TECPR1: variants seen among roughly 807,000 people sequenced by gnomAD.
TECPR1 encodes tectonin beta-propeller repeat-containing protein 1.
A neutral mutation model predicts 162.4 loss-of-function variants in TECPR1; 122 were observed. The observed-to-expected ratio is 0.75, with a 90% confidence interval of 0.65 to 0.87. TECPR1 has a LOEUF of 0.87. Ranked by LOEUF, TECPR1 falls within the 40% of genes least tolerant of loss-of-function variation. TECPR1 has a pLI of 0.00. For synonymous variants in TECPR1, 642 were observed against 670.6 expected (o/e 0.96, Z 0.66); for missense variants, 1,432 against 1,618.2 (o/e 0.88, Z 1.97).
chr7:98,233,299 G>C (rs993348780), intron 11 of TECPR1, 122 bp downstream of exon 11: 1 of 1,266,664 alleles, frequency 7.9e-7, no homozygotes, highest in African/African-American at 1.5e-5. Context: ...GCTGAGCACA[G>C]TGAGGCGTCC....
intron 23 of TECPR1, among the ~76,000 whole-genome samples, chr7:98,218,963 G>C (rs1798081992): frequency 6.6e-6 from 1 of 152,086 alleles, no homozygotes; most frequent in South Asian, 2.1e-4. Context: ...AAATCTGGAG[G>C]CATCACATTA....
At chr7:98,227,109 ACAGGT>A (rs1279677111) in intron 17 of TECPR1, among the ~76,000 whole-genome samples, 1 of 152,084 alleles carries the variant, frequency 6.6e-6, no homozygotes, top group East Asian at 1.9e-4. Flanking sequence ...ATAGAAAACT[ACAGGT>A]CAGGTGTGGT....
At position 98,229,117 on chromosome 7, in the gene TECPR1, G is replaced by A. The variant is rs1012108585; in HGVS notation, c.2332C>T (p.Arg778Trp). Residue 778 changes from arginine to tryptophan, a missense_variant, in exon 16 of 26, where the codon CGG (arginine) becomes TGG (tryptophan). Arg to Trp is a moderately radical substitution (Grantham distance 101). Transcript: ENST00000447648. ...GHLRMVEANSRGVVWGIGYDH... is the reference protein window; with the variant it reads ...GHLRMVEANSWGVVWGIGYDH... Reference sequence around the variant, plus strand: ...TAGCCGATGCCCCACACCACGCCCCGGCTGTTGGCCTCCACCATCCGCAGG... The same window carrying A: ...TAGCCGATGCCCCACACCACGCCCCAGCTGTTGGCCTCCACCATCCGCAGG... 14 of 1,570,594 alleles carry A rather than the reference G, an allele frequency of 8.9e-6. No individual in the cohort carries two copies. Among genetic ancestry groups the A allele is most frequent in the South Asian group, 7.0e-5 (6 of 85,496 alleles).
chr7:98,231,990 C>G (rs1432598780), intron 12 of TECPR1, 31 bp from the exon 13 acceptor site: 2 of 1,572,604 alleles, frequency 1.3e-6, no homozygotes, highest in Non-Finnish European at 1.7e-6. Flanking sequence ...GACACCATCA[C>G]AGGCAGGCCC....
At position 98,233,150 on chromosome 7, in the gene TECPR1, T is replaced by G. The variant is rs1798494890; in HGVS notation, c.1673-178A>C. The G allele has an allele frequency of 9.5e-6, 8 of 840,800 alleles. No individual in the cohort carries two copies. The East Asian group carries it at 1.1e-4, about 12-fold the overall frequency. 52.1% of individuals were successfully genotyped at this position (840,800 alleles called of 1,614,324 possible). A position where few individuals can be genotyped will look rare whatever the true frequency, so the allele number is the denominator to read the frequency against. The stretch of plus-strand genomic sequence containing the variant: ...GTTGCTCTCCCCCAGTAATTCAGCC[T>G]GGAAAGCAGCCACCACCGCTAGCAC... On this transcript the variant is annotated intron_variant, in intron 11 of 25. Coordinates refer to ENST00000447648, the MANE Select transcript of TECPR1 (RefSeq NM_015395.3).
In TECPR1 at chr7:98,217,710, G is replaced by A; in HGVS notation, c.3366C>T (p.Gly1122=). 6.5e-7 allele frequency: 1 copy of A among 1,547,352 alleles called. No homozygotes were observed. The highest frequency in any genetic ancestry group is 1.4e-5 in the African/African-American group (1 of 73,118). ...GVQPHEPKGH[G]WDYGIGGGWD... ...CGCTCACCCCGATGCCGTAGTCCCA[G>A]CCGTGGCCCTTGGGCTCGTGAGGCT... is the stretch of plus-strand genomic sequence containing the variant. Residue 1122 remains glycine (G), a synonymous_variant, in exon 25 of 26, where the codon GGC becomes GGT. Coordinates refer to ENST00000447648, the MANE Select transcript of TECPR1 (RefSeq NM_015395.3).
At position 98,217,190 on chromosome 7, in the gene TECPR1, T is replaced by C; in HGVS notation, c.*200A>G. The C allele has an allele frequency of 1.7e-6, 1 of 573,392 alleles. No individual in the cohort carries two copies. The highest frequency in any genetic ancestry group is 3.1e-6 in the Non-Finnish European group (1 of 322,574). 35.5% of individuals were successfully genotyped at this position (573,392 alleles called of 1,614,324 possible). A position where few individuals can be genotyped will look rare whatever the true frequency, so the allele number is the denominator to read the frequency against. On this transcript the variant is annotated 3_prime_UTR_variant, in exon 26 of 26. Transcript: ENST00000447648. ...GGGACTCCTCGCAGACGGGGACACG[T>C]GTGGGAGTGTCCGCGGAGCTTCACA...
At chr7:98,224,058 T>G (rs1331062470) in intron 19 of TECPR1, among the ~76,000 whole-genome samples, 1 of 152,036 alleles carries the variant, frequency 6.6e-6, no homozygotes, top group African/African-American at 2.4e-5. Flanking sequence ...CTAAGGGGAC[T>G]CAGCCCTCCC....
chr7:98,235,456 T>G (rs1282446222), intron 10 of TECPR1, among the ~76,000 whole-genome samples: 1 of 138,530 alleles, frequency 7.2e-6, no homozygotes. Flanking sequence ...ACCCTGGAGG[T>G]GGAGCTTGCA....
At chr7:98,233,235 G>A (rs1439551967) in intron 11 of TECPR1, 186 bp downstream of exon 11, 20 of 904,368 alleles carry the variant, frequency 2.2e-5, no homozygotes, top group Non-Finnish European at 3.1e-5. Flanking sequence ...GGTCCTGACA[G>A]CCTCGGGCTG....
At position 98,228,130 on chromosome 7, in the gene TECPR1, T is replaced by C. The variant is rs1188058816; in HGVS notation, c.2411-14A>G. ...TGCTGGCCAGGCCTGTGGGGAGAGG[T>C]GGCTGCTGGGACCGAGGCCACATAC... is the stretch of plus-strand genomic sequence containing the variant. On this transcript the variant is annotated splice_polypyrimidine_tract_variant and intron_variant, in intron 16 of 25. Coordinates refer to ENST00000447648, the MANE Select transcript of TECPR1 (RefSeq NM_015395.3). 1.9e-6 allele frequency: 3 copies of C among 1,601,118 alleles called. No homozygotes were observed. Among genetic ancestry groups the C allele is most frequent in the Non-Finnish European group, 1.7e-6 (2 of 1,172,928 alleles).
intron 1 of TECPR1, 160 bp downstream of exon 1, chr7:98,251,966 G>A (rs1378801029): frequency 6.6e-6 from 1 of 152,460 alleles, no homozygotes; most frequent in Non-Finnish European, 1.5e-5. Flanking sequence ...GCACCTTCCA[G>A]GTGTGCAGGC....
chr7:98,230,559 G>A (rs1187565245), intron 15 of TECPR1, among the ~76,000 whole-genome samples: 1 of 152,040 alleles, frequency 6.6e-6, no homozygotes, highest in Non-Finnish European at 1.5e-5. Flanking sequence ...CCCAGGCCCC[G>A]GGCCGCCCAT....
chr7:98,230,903 A>C, intron 15 of TECPR1, 58 bp downstream of exon 15: 1 of 1,560,246 alleles, frequency 6.4e-7, no homozygotes, highest in Non-Finnish European at 8.7e-7. Context: ...CCCTTCTGTA[A>C]CCACGAGCTC....
At chr7:98,226,120 C>A (rs576765860) in intron 17 of TECPR1, among the ~76,000 whole-genome samples, 1 of 152,152 alleles carries the variant, frequency 6.6e-6, no homozygotes, top group African/African-American at 2.4e-5. Flanking sequence ...GATGTGGGTG[C>A]GCAGCCCTGC....
intron 16 of TECPR1, 109 bp from the exon 17 acceptor site, chr7:98,228,225 GC>G: frequency 2.3e-6 from 2 of 864,320 alleles, no homozygotes; most frequent in Non-Finnish European, 3.8e-6. Context: ...GCGGGCTGGA[GC>G]CAGGTCAGCG....
intron 19 of TECPR1, among the ~76,000 whole-genome samples, chr7:98,224,407 G>GC (rs990131236): frequency 3.1e-4 from 47 of 152,272 alleles, no homozygotes; most frequent in South Asian, 2.9e-3. Context: ...CTGGCTCAAA[G>GC]CCCCCCAGAG....
In TECPR1 at chr7:98,228,123, G is replaced by A; in HGVS notation, c.2411-7C>T. ...CTGGTGCTGCTGGCCAGGCCTGTGGGGAGAGGTGGCTGCTGGGACCGAGGC... is the reference window on the plus strand; with the variant it reads ...CTGGTGCTGCTGGCCAGGCCTGTGGAGAGAGGTGGCTGCTGGGACCGAGGC... On this transcript the variant is annotated splice_region_variant and splice_polypyrimidine_tract_variant and intron_variant, in intron 16 of 25. Transcript: ENST00000447648. 6.2e-7 allele frequency: 1 copy of A among 1,606,334 alleles called. No homozygotes were observed. The highest frequency in any genetic ancestry group is 8.5e-7 in the Non-Finnish European group (1 of 1,176,448).
rs928919823 is a variant in TECPR1, at chr7:98,215,892, C to T, written c.*1498G>A. The T allele has an allele frequency of 5.3e-5, 8 of 152,218 alleles. No individual in the cohort carries two copies. Among genetic ancestry groups the T allele is most frequent in the Non-Finnish European group, 1.0e-4 (7 of 68,050 alleles). 9.4% of individuals were successfully genotyped at this position (152,218 alleles called of 1,614,324 possible). A position where few individuals can be genotyped will look rare whatever the true frequency, so the allele number is the denominator to read the frequency against. ...CTCTCAGATGCCCGCGGGAGGGGCC[C>T]CAGGGAGGCCTTTCTCAGCATCAGC... On this transcript the variant is annotated 3_prime_UTR_variant, in exon 26 of 26. Transcript: ENST00000447648.
Sources: allele counts gnomAD v4.1 joint callset (sites outside exome capture counted in the v4.1 genomes callset), GRCh38; gene constraint gnomAD v4.1.1; transcripts MANE v1.5; gene names NCBI Gene and HGNC (gene_info 2026-07-23, HGNC 2026-07-21).